The following DUS4L variants were observed in gnomAD, a reference collection of about 807,000 sequenced individuals.
DUS4L encodes the protein tRNA-dihydrouridine(20a/20b) synthase [NAD(P)+]-like.
In DUS4L, 31 loss-of-function variants were observed where a neutral mutation model predicts 33.8. The observed-to-expected ratio is 0.92, with a 90% CI of 0.69 to 1.24. The LOEUF is 1.24. Ranked by LOEUF, DUS4L falls within the 50% of genes most tolerant of loss-of-function variation. The probability of loss-of-function intolerance (pLI) is 0.00; values close to 1 mark genes in which losing one functional copy is unlikely to be tolerated. For synonymous variants in DUS4L, 103 were observed against 120.3 expected (o/e 0.86, Z 0.94); for missense variants, 368 against 388.6 (o/e 0.95, Z 0.45).
chr7:107,577,788 C>A lies in DUS4L; in HGVS notation c.*228C>A. The A allele has an allele frequency of 2.5e-6, 1 of 395,412 alleles. No individual in the cohort carries two copies. The highest frequency in any genetic ancestry group is 4.6e-6 in the Non-Finnish European group (1 of 218,884). The allele number at this position is 395,412 out of a possible 1,614,324, so 24.5% of individuals were successfully genotyped here. On this transcript the variant is annotated 3_prime_UTR_variant, in exon 8 of 8. Transcript: ENST00000265720. ...TAAAGAAAACTCCCAGTGGTTCAAA[C>A]ATCCTGATCATCCTAGGCAAACATT...
chr7:107,574,081 T>C (rs1805512532), intron 5 of DUS4L, among the ~76,000 whole-genome samples: 1 of 152,210 alleles, frequency 6.6e-6, no homozygotes, highest in Admixed American at 6.5e-5. Flanking sequence ...TTTATGTGGC[T>C]GTGCCTTGAA....
rs891644175 is a variant in DUS4L at position 107,578,254 on chromosome 7, G to A, written c.*694G>A. 1 of 152,076 alleles carries A rather than the reference G, an allele frequency of 6.6e-6. No individual in the cohort carries two copies. Among genetic ancestry groups the A allele is most frequent in the Non-Finnish European group, 1.5e-5 (1 of 67,992 alleles). 9.4% of individuals were successfully genotyped at this position (152,076 alleles called of 1,614,324 possible). ...AATATTTCCTAGAGAATAGTAACCAGGTTTTGTTTTTAACTTTAAAACCTA... is the reference window on the plus strand; with the variant it reads ...AATATTTCCTAGAGAATAGTAACCAAGTTTTGTTTTTAACTTTAAAACCTA... On this transcript the variant is annotated 3_prime_UTR_variant, in exon 8 of 8. Coordinates refer to ENST00000265720, the MANE Select transcript of DUS4L (RefSeq NM_181581.3).
intron 2 of DUS4L, among the ~76,000 whole-genome samples, chr7:107,566,228 T>C (rs552338041): frequency 6.6e-6 from 1 of 152,346 alleles, no homozygotes; most frequent in Admixed American, 6.5e-5. Flanking sequence ...AATTAGACCA[T>C]TCTAAAGTTG....
rs1353452317 is a variant in DUS4L, at chr7:107,572,510, T to C, written c.239-1194T>C. Among the ~76,000 whole-genome samples, 5 of 152,290 alleles carry C rather than the reference T, an allele frequency of 3.3e-5. No homozygotes were observed. In the South Asian group the frequency reaches 8.3e-4, roughly 25 times the overall value. On this transcript the variant is annotated intron_variant, in intron 4 of 7. Coordinates refer to ENST00000265720, the MANE Select transcript of DUS4L (RefSeq NM_181581.3). ...CACTGACCCAAGGATACGAAAAATA[T>C]GTTCTTTAAAACCTAGGAAGCTTTA...
chr7:107,569,793 G>A (rs1805041649), intron 3 of DUS4L, among the ~76,000 whole-genome samples: 1 of 152,142 alleles, frequency 6.6e-6, no homozygotes, highest in Non-Finnish European at 1.5e-5. Context: ...CTCACTTGTT[G>A]GTTCTAGTTT....
chr7:107,570,873 A>C, intron 3 of DUS4L: 2 of 312,766 alleles, frequency 6.4e-6, no homozygotes, highest in Non-Finnish European at 1.2e-5. Context: ...TGAGACAAAA[A>C]TAAAACCCAG....
chr7:107,565,377 A>G (rs1199149938), intron 2 of DUS4L, among the ~76,000 whole-genome samples: 1 of 152,228 alleles, frequency 6.6e-6, no homozygotes, highest in South Asian at 2.1e-4. Context: ...GCACATTGAA[A>G]TCACCTGAAG....
At chr7:107,574,869 C>T (rs552941364) in intron 5 of DUS4L, 21 of 343,334 alleles carry the variant, frequency 6.1e-5, no homozygotes, top group African/African-American at 4.5e-4. Flanking sequence ...GCACAATAAA[C>T]ATCAAATTTG....
rs1167051240 is a variant in DUS4L at position 107,564,063 on chromosome 7, C to T, written c.-257C>T. 6.7e-7 allele frequency: 1 copy of T among 1,483,298 alleles called. No individual in the cohort carries two copies. The highest frequency in any genetic ancestry group is 2.5e-5 in the East Asian group (1 of 40,432). The allele number at this position is 1,483,298 out of a possible 1,614,324, so 91.9% of individuals were successfully genotyped here. On this transcript the variant is annotated 5_prime_UTR_variant, in exon 1 of 8. Transcript: ENST00000265720. ...AGCCTGGCTAGGAGCCGCGCAGGTACTCGAGCAGTGGGCGCCCAGGGTCCG... is the reference window on the plus strand; with the variant it reads ...AGCCTGGCTAGGAGCCGCGCAGGTATTCGAGCAGTGGGCGCCCAGGGTCCG...
At chr7:107,564,241 CT>C in intron 1 of DUS4L, 32 bp downstream of exon 1, 1 of 576,086 alleles carries the variant, frequency 1.7e-6, no homozygotes, top group Non-Finnish European at 3.1e-6. Flanking sequence ...CAGCGCTTAT[CT>C]GTGAAGCAAG....
At chr7:107,567,446 G>A (rs937498378) in intron 3 of DUS4L, among the ~76,000 whole-genome samples, 1 of 151,974 alleles carries the variant, frequency 6.6e-6, no homozygotes, top group South Asian at 2.1e-4. Context: ...GTATATAATG[G>A]ATATTAAATA....
chr7:107,569,632 A>G (rs1805020718), intron 3 of DUS4L, among the ~76,000 whole-genome samples: 1 of 123,784 alleles, frequency 8.1e-6, no homozygotes, highest in South Asian at 3.2e-4. Context: ...TGTAGTTTTC[A>G]GCATACAAGT....
chr7:107,564,045 C>G lies in DUS4L; in HGVS notation c.-275C>G, dbSNP rs541648926. ...CAGCCCGCGCCTGGGCTAAGCCTGG[C>G]TAGGAGCCGCGCAGGTACTCGAGCA... On this transcript the variant is annotated 5_prime_UTR_variant, in exon 1 of 8. Transcript: ENST00000265720. The G allele has an allele frequency of 3.2e-4, 474 of 1,489,040 alleles. 2 individuals carry two copies. In the African/African-American group the frequency reaches 5.8e-3, roughly 18 times the overall value. 92.2% of individuals were successfully genotyped at this position (1,489,040 alleles called of 1,614,324 possible).
chr7:107,575,286 G>C lies in DUS4L; in HGVS notation c.455G>C (p.Gly152Ala), dbSNP rs1158005982. Residue 152 changes from glycine (G) to alanine (A), a missense_variant, in exon 6 of 8, where the codon GGA (glycine) becomes GCA (alanine). Transcript: ENST00000265720. ...KQVRNQVETP[G>A]FSVSIKIRIH... ...GTAAGAAATCAAGTGGAAACCCCTG[G>C]ATTTTCAGTTTCTATTAAAATAAGG... The C allele has an allele frequency of 6.2e-7, 1 of 1,611,206 alleles. No individual in the cohort carries two copies. The highest frequency in any genetic ancestry group is 1.3e-5 in the African/African-American group (1 of 74,678).
intron 3 of DUS4L, chr7:107,570,110 A>G (rs919338089): frequency 2.6e-5 from 4 of 151,914 alleles, no homozygotes; most frequent in East Asian, 1.9e-4. Context: ...TATTTTGTCA[A>G]ATGCCTTTTC....
At chr7:107,567,860 C>T (rs1415315953) in intron 3 of DUS4L, 4 of 380,138 alleles carry the variant, frequency 1.1e-5, no homozygotes, top group Non-Finnish European at 2.1e-5. Flanking sequence ...AACTTCACTA[C>T]TCTAGGTACC....
At chr7:107,565,260 T>C (rs1200548941) in intron 2 of DUS4L, among the ~76,000 whole-genome samples, 1 of 152,202 alleles carries the variant, frequency 6.6e-6, no homozygotes, top group Non-Finnish European at 1.5e-5. Context: ...TCAATCCATA[T>C]TCTAAAAGGA....
Position 107,564,205 on chromosome 7 carries a change from A to AC in DUS4L, c.-115_-114insC. ...GGCTGGCGTCGTGCCCTAGCCAAGG[A>AC]GAAGGTGGGCACCGGAACGTGGCCG... On this transcript the variant is annotated 5_prime_UTR_variant, in exon 1 of 8. Coordinates refer to ENST00000265720, the MANE Select transcript of DUS4L (RefSeq NM_181581.3). 1.7e-6 allele frequency: 1 copy of AC among 595,982 alleles called. No homozygotes were observed. Among genetic ancestry groups the AC allele is most frequent in the Non-Finnish European group, 3.0e-6 (1 of 335,658 alleles). 36.9% of individuals were successfully genotyped at this position (595,982 alleles called of 1,614,324 possible).
intron 5 of DUS4L, 192 bp downstream of exon 5, chr7:107,574,013 G>T (rs1451533524): frequency 2.5e-6 from 2 of 812,840 alleles, no homozygotes; most frequent in Non-Finnish European, 3.3e-6. Context: ...CTTTTCTGAT[G>T]ACTGAAATGA....
Sources: allele counts gnomAD v4.1 joint callset (sites outside exome capture counted in the v4.1 genomes callset), GRCh38; gene constraint gnomAD v4.1.1; transcripts MANE v1.5; gene names NCBI Gene and HGNC (gene_info 2026-07-23, HGNC 2026-07-21).